The following RAB7B variants were observed in gnomAD, a reference collection of about 807,000 sequenced individuals.
The protein encoded by RAB7B is RAB7B, member RAS oncogene family.
chr1:205,996,957 C>G (rs1660819727), intron 1 of RAB7B, among the ~76,000 whole-genome samples: 1 of 152,308 alleles, frequency 6.6e-6, no homozygotes, highest in East Asian at 1.9e-4. Context: ...AAGGTCTCTT[C>G]CCCAACACAT....
chr1:205,993,392 T>A (rs1292129442), intron 3 of RAB7B, 28 bp downstream of exon 3: 1 of 398,376 alleles, frequency 2.5e-6, no homozygotes, highest in Non-Finnish European at 4.4e-6. Flanking sequence ...TGTATGTATG[T>A]TGAAGAGGGA....
chr1:205,991,698 AC>A (rs1287204432), intron 4 of RAB7B, among the ~76,000 whole-genome samples: 1 of 152,218 alleles, frequency 6.6e-6, no homozygotes, highest in Non-Finnish European at 1.5e-5. Context: ...TGCAATTCAG[AC>A]ATGATGATCC....
rs1660919133 is a variant in RAB7B, at chr1:206,003,336, T to C, written c.-100A>G. ...GTCTGGTGGTCTCTTCTTAGAGCAG[T>C]GGTCTCAGCAGGGCCAGGGAAGAGG... On this transcript the variant is annotated 5_prime_UTR_variant, in exon 1 of 6. Transcript: ENST00000617070. 1 of 152,292 alleles carries C rather than the reference T, an allele frequency of 6.6e-6. No homozygotes were observed. Among genetic ancestry groups the C allele is most frequent in the Admixed American group, 6.5e-5 (1 of 15,304 alleles). The allele number at this position is 152,292 out of a possible 1,614,324, so 9.4% of individuals were successfully genotyped here.
intron 4 of RAB7B, among the ~76,000 whole-genome samples, chr1:205,986,103 T>G (rs1660599886): frequency 6.6e-6 from 1 of 152,204 alleles, no homozygotes; most frequent in Admixed American, 6.5e-5. Flanking sequence ...CAAAGAGAGC[T>G]GCACATGAGA....
At chr1:205,991,416 G>T (rs1266480791) in intron 4 of RAB7B, among the ~76,000 whole-genome samples, 1 of 152,228 alleles carries the variant, frequency 6.6e-6, no homozygotes, top group African/African-American at 2.4e-5. Flanking sequence ...ATGACTCGTA[G>T]ATCTCTATTT....
chr1:205,998,027 G>C (rs1660831444), intron 1 of RAB7B, among the ~76,000 whole-genome samples: 1 of 152,168 alleles, frequency 6.6e-6, no homozygotes, highest in Non-Finnish European at 1.5e-5. Context: ...AGCCTGCACA[G>C]GGAGTAAATG....
intron 4 of RAB7B, among the ~76,000 whole-genome samples, chr1:205,986,647 C>A (rs999678386): frequency 3.3e-5 from 5 of 152,224 alleles, no homozygotes; most frequent in Non-Finnish European, 5.9e-5. Flanking sequence ...GTGATGTTGG[C>A]TTGGAAATGC....
At chr1:205,979,676 G>A (rs1034854802) in intron 5 of RAB7B, among the ~76,000 whole-genome samples, 4 of 152,184 alleles carry the variant, frequency 2.6e-5, no homozygotes, top group African/African-American at 9.7e-5. Flanking sequence ...GCCTCTGCTA[G>A]TCACAGAGCT....
chr1:205,980,248 TA>T (rs1660465118), intron 5 of RAB7B, among the ~76,000 whole-genome samples: 84 of 152,184 alleles, frequency 5.5e-4, no homozygotes, highest in Non-Finnish European at 1.1e-3. Flanking sequence ...CCATCTGGGG[TA>T]GGTGTGAGAA....
At chr1:206,002,413 G>A (rs1341096917) in intron 1 of RAB7B, among the ~76,000 whole-genome samples, 10 of 152,170 alleles carry the variant, frequency 6.6e-5, no homozygotes, top group Admixed American at 6.5e-4. Flanking sequence ...TAAAGAGCCT[G>A]ACCAATGCTG....
At chr1:205,995,446 G>T (rs1028081496) in intron 1 of RAB7B, among the ~76,000 whole-genome samples, 117,226 of 152,078 alleles carry the variant, frequency 0.77, 45,421 homozygotes, top group East Asian at 0.99. Flanking sequence ...TACACTCCCA[G>T]GTTCACTGCA....
chr1:205,985,326 T>C (rs1474300722), intron 5 of RAB7B, among the ~76,000 whole-genome samples: 1 of 152,188 alleles, frequency 6.6e-6, no homozygotes, highest in Non-Finnish European at 1.5e-5. Context: ...GACCACTGAC[T>C]GCATGCTCTA....
intron 1 of RAB7B, among the ~76,000 whole-genome samples, chr1:205,995,246 T>G (rs914829922): frequency 3.9e-5 from 6 of 152,058 alleles, no homozygotes; most frequent in Non-Finnish European, 7.4e-5. Context: ...ACCCTAGAAC[T>G]TAAAGTATAA....
In RAB7B at chr1:205,978,319, A is replaced by G. The variant is rs1660423110; in HGVS notation, c.*532T>C. The G allele has an allele frequency of 1.3e-5, 2 of 152,430 alleles. No individual in the cohort carries two copies. Among genetic ancestry groups the G allele is most frequent in the South Asian group, 4.2e-4 (2 of 4,816 alleles). 9.4% of individuals were successfully genotyped at this position (152,430 alleles called of 1,614,324 possible). On this transcript the variant is annotated 3_prime_UTR_variant, in exon 6 of 6. Coordinates refer to ENST00000617070, the MANE Select transcript of RAB7B (RefSeq NM_001164522.3). ...GGGAGCAGAGGGGGTCTCAGGCACG[A>G]CAGCTTCTGCCAGGAGCTGAGGCGG...
chr1:205,987,351 A>C (rs1471380029), intron 4 of RAB7B, among the ~76,000 whole-genome samples: 4 of 152,220 alleles, frequency 2.6e-5, no homozygotes, highest in African/African-American at 9.6e-5. Context: ...ATAATTCTGA[A>C]AGTGTTACTT....
intron 4 of RAB7B, among the ~76,000 whole-genome samples, chr1:205,987,325 G>C (rs1660628725): frequency 6.6e-6 from 1 of 152,100 alleles, no homozygotes; most frequent in African/African-American, 2.4e-5. Flanking sequence ...TGATAGTTGG[G>C]GACATGGGAA....
chr1:205,986,533 G>A (rs1382400688), intron 4 of RAB7B, among the ~76,000 whole-genome samples: 3 of 152,162 alleles, frequency 2.0e-5, no homozygotes, highest in East Asian at 1.9e-4. Context: ...GTCTCCCTTC[G>A]GGAGCTCAGG....
rs944975844 is a variant in RAB7B at position 206,000,408 on chromosome 1, C to T, written c.-17+2845G>A. Among the ~76,000 whole-genome samples, 3 of 152,342 alleles carry T rather than the reference C, an allele frequency of 2.0e-5. No homozygotes were observed. In the South Asian group the frequency reaches 6.2e-4, roughly 32 times the overall value. On this transcript the variant is annotated intron_variant, in intron 1 of 5. Transcript: ENST00000617070. The stretch of plus-strand genomic sequence containing the variant: ...CGTGATTTTCAGATAGGACAAATTA[C>T]TTCTGTGAGCAAGAGAGTGAGGATG...
At chr1:205,987,317 ATAGT>A (rs1307029275) in intron 4 of RAB7B, among the ~76,000 whole-genome samples, 2 of 152,198 alleles carry the variant, frequency 1.3e-5, no homozygotes, top group Admixed American at 6.5e-5. Context: ...TCAGGGTGTG[ATAGT>A]TGGGGACATG....
Sources: allele counts gnomAD v4.1 joint callset (sites outside exome capture counted in the v4.1 genomes callset), GRCh38; gene constraint gnomAD v4.1.1; transcripts MANE v1.5; gene names NCBI Gene and HGNC (gene_info 2026-07-23, HGNC 2026-07-21).